The following ZNF195 variants were observed in gnomAD, a reference collection of about 807,000 sequenced individuals.
ZNF195 encodes the protein zinc finger protein 195, also known as hypoxia-regulated factor-1.
In ZNF195, 11 loss-of-function variants were observed where a neutral mutation model predicts 19.5. The observed-to-expected ratio is 0.57, with a 90% CI of 0.36 to 0.94. ZNF195 has a LOEUF of 0.94. Among genes scored for constraint, ZNF195 ranks in the 40% least tolerant of loss-of-function variants. ZNF195 has a pLI of 0.01. For synonymous variants in ZNF195, 214 were observed against 248.1 expected, an observed-to-expected ratio of 0.86 and a Z score of 1.29; for missense variants, 582 against 709.0, an observed-to-expected ratio of 0.82 and a Z score of 2.03.
intron 1 of ZNF195, 53 bp from the exon 2 acceptor site, chr11:3,371,756 G>A (rs765356717): frequency 7.1e-6 from 11 of 1,540,728 alleles, no homozygotes; most frequent in African/African-American, 1.4e-5. Context: ...TGAAATGAGC[G>A]AGTGAAGAGA....
intron 3 of ZNF195, among the ~76,000 whole-genome samples, chr11:3,370,512 C>T (rs1849149611): frequency 6.6e-6 from 1 of 152,210 alleles, no homozygotes; most frequent in East Asian, 1.9e-4. Flanking sequence ...CTGTAGGATA[C>T]GAAATCATAA....
intron 1 of ZNF195, among the ~76,000 whole-genome samples, chr11:3,377,281 T>C: frequency 6.6e-6 from 1 of 152,188 alleles, no homozygotes; most frequent in East Asian, 1.9e-4. Flanking sequence ...TAATGACTTG[T>C]GTCAAGTCAG....
intron 1 of ZNF195, among the ~76,000 whole-genome samples, chr11:3,374,069 C>T (rs73410551): frequency 0.016 from 2,431 of 152,294 alleles, 77 homozygotes; most frequent in African/African-American, 0.055. Flanking sequence ...GTGCTTCCAC[C>T]CAAACCAATA....
At chr11:3,370,875 C>CA in intron 3 of ZNF195, 100 bp downstream of exon 3, 1 of 1,181,048 alleles carries the variant, frequency 8.5e-7, no homozygotes, top group Admixed American at 1.8e-5. Context: ...AAACCATCTC[C>CA]ACTAGGGCAG....
intron 3 of ZNF195, chr11:3,363,522 TTAAAC>T (rs1338758345): frequency 1.3e-5 from 2 of 152,158 alleles, no homozygotes; most frequent in East Asian, 3.8e-4. Flanking sequence ...TATATGGAAA[TTAAAC>T]AACACATTTG....
Position 3,359,795 on chromosome 11 carries a change from T to A in ZNF195, c.1213A>T (p.Ile405Phe). 6.2e-7 allele frequency: 1 copy of A among 1,614,174 alleles called. No individual in the cohort carries two copies. The highest frequency in any genetic ancestry group is 8.5e-7 in the Non-Finnish European group (1 of 1,180,036). ...TCACATTTGAAAGGTTTCCCTCCAA[T>A]CTCATTTCTCTGGTGTTTGGAAGGA... is the stretch of plus-strand genomic sequence containing the variant. Reference protein sequence around the residue: ...PNPSKHQRNEIGGKPFKCEEC... With the variant: ...PNPSKHQRNEFGGKPFKCEEC... The change falls in exon 6 of 6, where the codon ATT becomes TTT. Residue 405 changes from isoleucine to phenylalanine, a missense_variant. Transcript: ENST00000399602. This position sits in a 1 kb window ranked among gnomAD's most constrained non-coding sequence, Gnocchi z 5.5.
Position 3,358,762 on chromosome 11 carries a change from G to T in ZNF195, c.*356C>A. ...GGGATTCAGTGTCATTTCTGAACGT[G>T]TCCTTGCTTATTTTTCCCATTTAGT... On this transcript the variant is annotated 3_prime_UTR_variant, in exon 6 of 6. Coordinates refer to ENST00000399602, the MANE Select transcript of ZNF195 (RefSeq NM_001130520.3). The T allele has an allele frequency of 5.3e-5, 4 of 75,912 alleles. No homozygotes were observed. Among genetic ancestry groups the T allele is most frequent in the Non-Finnish European group, 6.7e-5 (3 of 44,812 alleles). The allele number at this position is 75,912 out of a possible 1,614,324, so 4.7% of individuals were successfully genotyped here.
At chr11:3,372,643 A>AAATATCTCCCAGGTTCTGACAAATC (rs1564926495) in intron 1 of ZNF195, among the ~76,000 whole-genome samples, 1 of 152,134 alleles carries the variant, frequency 6.6e-6, no homozygotes, top group Non-Finnish European at 1.5e-5. Flanking sequence ...TCTGACAAAT[A>AAATATCTCCCAGGTTCTGACAAATC]AATATCTCCC....
In ZNF195 at chr11:3,379,081, T is replaced by C; in HGVS notation, c.-41A>G. On this transcript the variant is annotated 5_prime_UTR_variant, in exon 1 of 6. Coordinates refer to ENST00000399602, the MANE Select transcript of ZNF195 (RefSeq NM_001130520.3). ...GAGCCTGGCGTTTCACTTCTGGATC[T>C]CCCGGTGCCTGCGGGTCACACGACC... is the stretch of plus-strand genomic sequence containing the variant. 1.3e-6 allele frequency: 2 copies of C among 1,488,914 alleles called. No homozygotes were observed. The highest frequency in any genetic ancestry group is 1.8e-6 in the Non-Finnish European group (2 of 1,108,898). 92.2% of individuals were successfully genotyped at this position (1,488,914 alleles called of 1,614,324 possible).
At chr11:3,367,056 C>G in intron 3 of ZNF195, 1 of 273,572 alleles carries the variant, frequency 3.7e-6, no homozygotes, top group South Asian at 2.6e-5. Context: ...TAGAGTGAAA[C>G]TCTGTGTAAA....
In ZNF195 at chr11:3,360,739, G is replaced by C; in HGVS notation, c.423C>G (p.Phe141Leu). The C allele has an allele frequency of 6.4e-7, 1 of 1,551,516 alleles. No individual in the cohort carries two copies. The highest frequency in any genetic ancestry group is 1.2e-5 in the South Asian group (1 of 84,038). Residue 141 changes from phenylalanine to leucine, a missense_variant, in exon 5 of 6, where the codon TTC becomes TTG. By Grantham distance (22) the Phe-to-Leu change is conservative. Transcript: ENST00000399602. ...CAATACCTAGTGAGAAGATGCATCT[G>C]AACTCTAAAAACCATTTCACAGTTT... ...VLQTVKWFLEFRCIFSLAMSS... is the reference protein window; with the variant it reads ...VLQTVKWFLELRCIFSLAMSS...
At position 3,371,696 on chromosome 11, in the gene ZNF195, A is replaced by T; in HGVS notation, c.11T>A (p.Leu4Ter). The stretch of plus-strand genomic sequence containing the variant: ...TTCTATGGCCACATCCCTGAACGTC[A>T]ACAGAGTCTGAAGAAGAAACAACAA... MTL[L>*]TFRDVAIEFS... Residue 4 changes from leucine (L) to a stop codon, truncating the protein, a stop_gained, in exon 2 of 6, where the codon TTG becomes TAG. Coordinates refer to ENST00000399602, the MANE Select transcript of ZNF195 (RefSeq NM_001130520.3). LOFTEE classifies it high-confidence loss of function. 1 of 1,601,446 alleles carries T rather than the reference A, an allele frequency of 6.2e-7. No homozygotes were observed. The highest frequency in any genetic ancestry group is 8.5e-7 in the Non-Finnish European group (1 of 1,174,108).
At position 3,371,018 on chromosome 11, in the gene ZNF195, C is replaced by T; in HGVS notation, c.183G>A (p.Glu61=). The change falls in exon 3 of 6, where the codon GAG becomes GAA. Residue 61 remains glutamate, a synonymous_variant. Coordinates refer to ENST00000399602, the MANE Select transcript of ZNF195 (RefSeq NM_001130520.3). ...CCTCCTGTCTCTTCACATTCCAGGG[C>T]TCTTTTCGTTGCTCCAGGCAGGTGA... ...GLITCLEQRK[E]PWNVKRQEAA... 6.2e-6 allele frequency: 10 copies of T among 1,614,176 alleles called. No homozygotes were observed. The highest frequency in any genetic ancestry group is 7.6e-6 in the Non-Finnish European group (9 of 1,180,012).
chr11:3,365,595 A>T (rs1848839634), intron 3 of ZNF195, among the ~76,000 whole-genome samples: 1 of 152,240 alleles, frequency 6.6e-6, no homozygotes, highest in South Asian at 2.1e-4. Context: ...TGTAATCTCT[A>T]TCAAATTCCC....
At chr11:3,361,142 G>A (rs1319515091) in intron 4 of ZNF195, among the ~76,000 whole-genome samples, 1 of 151,122 alleles carries the variant, frequency 6.6e-6, no homozygotes, top group African/African-American at 2.5e-5. Flanking sequence ...AAAGAAAGCT[G>A]AGAAACCCTC....
intron 1 of ZNF195, among the ~76,000 whole-genome samples, chr11:3,374,198 T>C (rs553032058): frequency 3.8e-4 from 58 of 152,376 alleles, no homozygotes; most frequent in African/African-American, 1.3e-3. Context: ...AATGTGCATA[T>C]GAATCTTTTG....
chr11:3,366,919 G>T (rs1160767137), intron 3 of ZNF195: 2 of 454,226 alleles, frequency 4.4e-6, no homozygotes, highest in Non-Finnish European at 8.8e-6. Flanking sequence ...ACAAAAGTTA[G>T]CTGGGTGTGG....
At chr11:3,370,934 A>C in intron 3 of ZNF195, 41 bp downstream of exon 3, 2 of 1,605,654 alleles carry the variant, frequency 1.2e-6, no homozygotes, top group Non-Finnish European at 1.7e-6. Context: ...CGACCTCTGG[A>C]CCTCTCACCT....
intron 1 of ZNF195, among the ~76,000 whole-genome samples, chr11:3,372,642 T>TAAATATCTCCCAGGTTCTGAC (rs1849268548): frequency 6.6e-6 from 1 of 152,026 alleles, no homozygotes; most frequent in African/African-American, 2.4e-5. Context: ...TTCTGACAAA[T>TAAATATCTCCCAGGTTCTGAC]AAATATCTCC....
Sources: allele counts gnomAD v4.1 joint callset (sites outside exome capture counted in the v4.1 genomes callset), GRCh38; gene constraint gnomAD v4.1.1; non-coding constraint Gnocchi (gnomAD v3.1); transcripts MANE v1.5; gene names NCBI Gene and HGNC (gene_info 2026-07-23, HGNC 2026-07-21).